The following NRROS variants were observed in gnomAD, a reference collection of about 807,000 sequenced individuals.
The protein encoded by NRROS is negative regulator of reactive oxygen species.
NRROS carries 6 observed loss-of-function variants against 12.0 expected under a neutral mutation model. The ratio of observed to expected loss-of-function variants is 0.50; its 90% CI spans 0.27 to 0.98. The LOEUF (loss-of-function observed/expected upper bound fraction) is 0.98, where lower values mean the gene tolerates loss of function less well. NRROS is among the 50% of genes least tolerant of loss of function. The pLI, the probability that NRROS is intolerant of heterozygous loss-of-function variation, is 0.11. For synonymous variants in NRROS, 462 were observed against 410.2 expected (o/e 1.13, Z -1.53); for missense variants, 857 against 888.2 (o/e 0.96, Z 0.45).
chr3:196,659,824 A>G lies in NRROS; in HGVS notation c.181A>G (p.Met61Val), dbSNP rs1367573591. Reference protein sequence around the residue: ...VPSSLPPHARMLTLDANPLKT... With the variant: ...VPSSLPPHARVLTLDANPLKT... Reference sequence around the variant, plus strand: ...CAGCAGCCTCCCGCCCCACGCCCGGATGCTCACCCTGGATGCCAACCCTCT... The same window carrying G: ...CAGCAGCCTCCCGCCCCACGCCCGGGTGCTCACCCTGGATGCCAACCCTCT... The change falls in exon 3 of 3, where the codon ATG becomes GTG. Residue 61 changes from methionine (M) to valine (V), a missense_variant. Physicochemically the swap from Met to Val is conservative, Grantham distance 21 (BLOSUM62 1). Coordinates refer to ENST00000328557, the MANE Select transcript of NRROS (RefSeq NM_198565.3). 3.1e-6 allele frequency: 5 copies of G among 1,613,820 alleles called. No homozygotes were observed. Among genetic ancestry groups the G allele is most frequent in the African/African-American group, 2.7e-5 (2 of 74,884 alleles).
intron 1 of NRROS, among the ~76,000 whole-genome samples, chr3:196,647,579 G>A (rs556660158): frequency 3.0e-4 from 45 of 152,252 alleles, no homozygotes; most frequent in South Asian, 1.0e-3. Flanking sequence ...TATTTTTTGA[G>A]ACAGAGTCCC....
chr3:196,661,019 G>A lies in NRROS; in HGVS notation c.1376G>A (p.Arg459Lys), dbSNP rs756731034. The stretch of plus-strand genomic sequence containing the variant: ...GGCCCCCCTAGCTGTGTGGATTTCA[G>A]GAATATGGCATCTTTAAGGAGCCTG... Reference protein sequence around the residue: ...RVGPPSCVDFRNMASLRSLSL... With the variant: ...RVGPPSCVDFKNMASLRSLSL... The change falls in exon 3 of 3, where the codon AGG becomes AAG. Residue 459 changes from arginine (R) to lysine (K), a missense_variant. Arg to Lys is a conservative substitution (Grantham distance 26). Transcript: ENST00000328557. 4.3e-6 allele frequency: 7 copies of A among 1,614,196 alleles called. No homozygotes were observed. Among genetic ancestry groups the A allele is most frequent in the Middle Eastern group, 1.6e-4 (1 of 6,062 alleles).
In NRROS at chr3:196,660,329, G is replaced by T. The variant is rs754552297; in HGVS notation, c.686G>T (p.Arg229Leu). 2 of 1,614,024 alleles carry T rather than the reference G, an allele frequency of 1.2e-6. No individual in the cohort carries two copies. Among genetic ancestry groups the T allele is most frequent in the East Asian group, 4.5e-5 (2 of 44,882 alleles). ...CIVDFGLTRL[R>L]VLNVSYNVLE... Reference sequence around the variant, plus strand: ...GTGGACTTCGGGCTCACGCGGCTGCGGGTCCTCAACGTCAGCTACAACGTC... The same window carrying T: ...GTGGACTTCGGGCTCACGCGGCTGCTGGTCCTCAACGTCAGCTACAACGTC... Residue 229 changes from arginine to leucine, a missense_variant, in exon 3 of 3, where the codon CGG becomes CTG. Arg to Leu is a moderately radical substitution (Grantham distance 102). Transcript: ENST00000328557. This position sits in a 1 kb window ranked among gnomAD's most constrained non-coding sequence, Gnocchi z 7.7.
chr3:196,658,958 A>G (rs1737599981), intron 2 of NRROS, among the ~76,000 whole-genome samples: 1 of 152,202 alleles, frequency 6.6e-6, no homozygotes, highest in Non-Finnish European at 1.5e-5. Context: ...TGACAGGGTA[A>G]GACTTCATCT....
intron 2 of NRROS, among the ~76,000 whole-genome samples, chr3:196,658,525 C>T (rs1401571107): frequency 6.6e-6 from 1 of 152,226 alleles, no homozygotes; most frequent in Non-Finnish European, 1.5e-5. Flanking sequence ...TGTGCTTCTT[C>T]TAACCTCTCT....
At position 196,654,779 on chromosome 3, in the gene NRROS, A is replaced by AGGCAG; in HGVS notation, c.108+133_108+134insGCAGG. 1.6e-6 allele frequency: 1 copy of AGGCAG among 621,980 alleles called. No individual in the cohort carries two copies. Among genetic ancestry groups the AGGCAG allele is most frequent in the Non-Finnish European group, 2.8e-6 (1 of 352,936 alleles). The allele number at this position is 621,980 out of a possible 1,614,324, so 38.5% of individuals were successfully genotyped here. On this transcript the variant is annotated intron_variant, in intron 2 of 2. Coordinates refer to ENST00000328557, the MANE Select transcript of NRROS (RefSeq NM_198565.3). This position sits in a 1 kb window ranked among gnomAD's most constrained non-coding sequence, Gnocchi z 4.4. ...AGCCTGCATCACTCTGTGCCTGCCT[A>AGGCAG]GCACAGGGGCATGTGCAGCTGCCCT...
At position 196,660,174 on chromosome 3, in the gene NRROS, C is replaced by T. The variant is rs1410518338; in HGVS notation, c.531C>T (p.Phe177=). Reference sequence around the variant, plus strand: ...TCATGCGGCTGGACGACTCCGTCTTCGAGGGCCTGGAGCGTCTCCGGGAGC... The same window carrying T: ...TCATGCGGCTGGACGACTCCGTCTTTGAGGGCCTGGAGCGTCTCCGGGAGC... The part of the protein sequence containing the change: ...NTIMRLDDSV[F]EGLERLRELD... The change falls in exon 3 of 3, where the codon TTC becomes TTT. Residue 177 remains phenylalanine, a synonymous_variant. Transcript: ENST00000328557. This position sits in a 1 kb window ranked among gnomAD's most constrained non-coding sequence, Gnocchi z 7.7. 17 of 1,613,046 alleles carry T rather than the reference C, an allele frequency of 1.1e-5. No individual in the cohort carries two copies. The highest frequency in any genetic ancestry group is 1.4e-5 in the Non-Finnish European group (17 of 1,180,022).
chr3:196,640,483 C>T (rs1257218228), intron 1 of NRROS, among the ~76,000 whole-genome samples: 2 of 152,172 alleles, frequency 1.3e-5, no homozygotes, highest in Non-Finnish European at 2.9e-5. Flanking sequence ...GCCCCTTCTC[C>T]CACAGAACGT....
chr3:196,658,832 T>G (rs899607118), intron 2 of NRROS, among the ~76,000 whole-genome samples: 1 of 152,070 alleles, frequency 6.6e-6, no homozygotes, highest in African/African-American at 2.4e-5. Flanking sequence ...TAGCTGGGCG[T>G]GGTGGCATGT....
At chr3:196,658,655 C>T (rs1261147462) in intron 2 of NRROS, among the ~76,000 whole-genome samples, 2 of 152,154 alleles carry the variant, frequency 1.3e-5, no homozygotes, top group East Asian at 1.9e-4. Context: ...GCCATTGCTC[C>T]TCTATCTTAT....
At chr3:196,649,798 C>G (rs1433902999) in intron 1 of NRROS, among the ~76,000 whole-genome samples, 3 of 152,122 alleles carry the variant, frequency 2.0e-5, no homozygotes, top group Non-Finnish European at 1.5e-5. Context: ...ACAGAGTGCC[C>G]CGAGAGCTGC....
intron 2 of NRROS, among the ~76,000 whole-genome samples, chr3:196,658,764 C>T (rs958421519): frequency 9.2e-5 from 14 of 152,128 alleles, no homozygotes; most frequent in South Asian, 2.1e-4. Flanking sequence ...GTCAGGAGTT[C>T]GAGACCAGCC....
At chr3:196,646,814 G>A (rs73083018) in intron 1 of NRROS, among the ~76,000 whole-genome samples, 10 of 152,202 alleles carry the variant, frequency 6.6e-5, no homozygotes, top group African/African-American at 1.7e-4. Flanking sequence ...CCGGAGAACC[G>A]GGTGGGAACC....
intron 1 of NRROS, among the ~76,000 whole-genome samples, chr3:196,646,434 C>T (rs572288707): frequency 3.7e-4 from 57 of 152,364 alleles, no homozygotes; most frequent in Non-Finnish European, 7.1e-4. Context: ...CCAGCCACCA[C>T]CAGCATGCAA....
In NRROS at chr3:196,646,083, G is replaced by A. The variant is rs958917217; in HGVS notation, c.-14+6208G>A. 6.6e-5 allele frequency among the ~76,000 whole-genome samples: 10 copies of A among 151,990 alleles called. No homozygotes were observed. In the South Asian group the frequency reaches 8.3e-4, roughly 13 times the overall value. On this transcript the variant is annotated intron_variant, in intron 1 of 2. Coordinates refer to ENST00000328557, the MANE Select transcript of NRROS (RefSeq NM_198565.3). ...TGAAGTCCGAACATTCCCTTACATC[G>A]ACAAAGCCTTTTCACACACACTGTC...
At position 196,659,937 on chromosome 3, in the gene NRROS, C is replaced by G; in HGVS notation, c.294C>G (p.Arg98=). 6.2e-7 allele frequency: 1 copy of G among 1,614,062 alleles called. No individual in the cohort carries two copies. The highest frequency in any genetic ancestry group is 8.5e-7 in the Non-Finnish European group (1 of 1,179,990). The change falls in exon 3 of 3, where the codon CGC becomes CGG. Residue 98 remains arginine, a synonymous_variant. Coordinates refer to ENST00000328557, the MANE Select transcript of NRROS (RefSeq NM_198565.3). ...LHSCHLERIS[R]GAFQEQGHLR... ...GCTGCCACCTGGAGCGCATCAGCCG[C>G]GGCGCCTTCCAGGAGCAAGGTCACC...
intron 1 of NRROS, among the ~76,000 whole-genome samples, chr3:196,648,885 C>T (rs1166832027): frequency 2.0e-5 from 3 of 151,990 alleles, no homozygotes; most frequent in Admixed American, 2.0e-4. Context: ...CCACTCCAGC[C>T]TTTCTTTGAT....
chr3:196,657,366 CT>C (rs2108641801), intron 2 of NRROS, among the ~76,000 whole-genome samples: 1 of 152,156 alleles, frequency 6.6e-6, no homozygotes, highest in East Asian at 1.9e-4. Flanking sequence ...AAGAAAGCCC[CT>C]GACCACAACA....
chr3:196,656,558 C>G (rs1274932618), intron 2 of NRROS, among the ~76,000 whole-genome samples: 1 of 152,192 alleles, frequency 6.6e-6, no homozygotes, highest in Non-Finnish European at 1.5e-5. Flanking sequence ...AGGACAGTGC[C>G]TGGTAGGTAG....
Sources: allele counts gnomAD v4.1 joint callset (sites outside exome capture counted in the v4.1 genomes callset), GRCh38; gene constraint gnomAD v4.1.1; non-coding constraint Gnocchi (gnomAD v3.1); transcripts MANE v1.5; gene names NCBI Gene and HGNC (gene_info 2026-07-23, HGNC 2026-07-21).